MRTFA: variants seen among roughly 807,000 people sequenced by gnomAD.
MRTFA encodes the protein myocardin-related transcription factor A.
A neutral mutation model predicts 83.5 loss-of-function variants in MRTFA; 20 were observed. That is an observed-to-expected ratio of 0.24 (90% CI 0.17 to 0.35). MRTFA has a LOEUF of 0.35. Ranked by LOEUF, MRTFA falls within the 10% of genes least tolerant of loss-of-function variation. MRTFA has a pLI of 1.00. For synonymous variants in MRTFA, 659 were observed against 541.2 expected, an observed-to-expected ratio of 1.22 and a Z score of -3.02; for missense variants, 1,200 against 1,224.7, an observed-to-expected ratio of 0.98 and a Z score of 0.30.
At chr22:40,432,622 G>A (rs1313194479) in intron 5 of MRTFA, among the ~76,000 whole-genome samples, 1 of 151,692 alleles carries the variant, frequency 6.6e-6, no homozygotes, top group East Asian at 1.9e-4. Flanking sequence ...AAGGACACTA[G>A]GCAATGAAGC....
chr22:40,506,412 G>A (rs1272390204), intron 3 of MRTFA, among the ~76,000 whole-genome samples: 2 of 152,150 alleles, frequency 1.3e-5, no homozygotes, highest in East Asian at 1.9e-4. Flanking sequence ...ATAAGATTGT[G>A]CACAGATGCA....
At chr22:40,494,062 C>A (rs961035319) in intron 3 of MRTFA, among the ~76,000 whole-genome samples, 1 of 152,084 alleles carries the variant, frequency 6.6e-6, no homozygotes, top group African/African-American at 2.4e-5. Context: ...AATGAAAGAT[C>A]TTAGATTTCT....
intron 4 of MRTFA, among the ~76,000 whole-genome samples, chr22:40,443,124 C>T (rs1374340214): frequency 6.6e-6 from 1 of 152,072 alleles, no homozygotes; most frequent in African/African-American, 2.4e-5. Context: ...TGGTTACGCA[C>T]ACCTGTAATC....
chr22:40,630,147 T>C (rs778480530), intron 1 of MRTFA, among the ~76,000 whole-genome samples: 1 of 151,630 alleles, frequency 6.6e-6, no homozygotes, highest in Non-Finnish European at 1.5e-5. Context: ...AAACCCTGCC[T>C]CTACTAAAAA....
chr22:40,600,755 G>A (rs944859643), intron 1 of MRTFA, among the ~76,000 whole-genome samples: 10 of 152,098 alleles, frequency 6.6e-5, no homozygotes, highest in South Asian at 2.1e-4. Flanking sequence ...CGAGGCAGGC[G>A]GATCACAAGG....
At chr22:40,474,696 C>T (rs2053964210) in intron 3 of MRTFA, among the ~76,000 whole-genome samples, 1 of 152,176 alleles carries the variant, frequency 6.6e-6, no homozygotes, top group South Asian at 2.1e-4. Context: ...GAAGGCCCCA[C>T]CTTCAGTGAG....
chr22:40,435,348 T>C, intron 5 of MRTFA, 151 bp downstream of exon 5: 1 of 769,102 alleles, frequency 1.3e-6, no homozygotes, highest in Admixed American at 2.3e-5. Flanking sequence ...GAGCTTTCCA[T>C]TTAAAACCAC....
At chr22:40,536,294 C>T (rs1027099061) in intron 3 of MRTFA, among the ~76,000 whole-genome samples, 1 of 152,088 alleles carries the variant, frequency 6.6e-6, no homozygotes, top group Non-Finnish European at 1.5e-5. Context: ...CAGAGCAAGA[C>T]CCTGTCTCAA....
chr22:40,580,927 T>C (rs988978886), intron 2 of MRTFA, among the ~76,000 whole-genome samples: 28 of 152,206 alleles, frequency 1.8e-4, no homozygotes, highest in African/African-American at 6.8e-4. Context: ...TTGTCTTAAC[T>C]GATCATAACA....
intron 3 of MRTFA, among the ~76,000 whole-genome samples, chr22:40,537,012 T>TGG (rs1198766025): frequency 2.2e-3 from 81 of 37,418 alleles, no homozygotes; most frequent in African/African-American, 9.0e-3. Flanking sequence ...GGGAGGGAGG[T>TGG]GGGGGGGGGT....
At chr22:40,457,235 G>A (rs1019023538) in intron 4 of MRTFA, among the ~76,000 whole-genome samples, 15 of 151,812 alleles carry the variant, frequency 9.9e-5, no homozygotes, top group East Asian at 1.9e-4. Context: ...CGTGGTGGCC[G>A]GTCCCTGTAA....
intron 1 of MRTFA, among the ~76,000 whole-genome samples, chr22:40,618,003 A>G (rs963315440): frequency 5.3e-5 from 8 of 152,068 alleles, no homozygotes; most frequent in Non-Finnish European, 8.8e-5. Flanking sequence ...TCAAGTGGTA[A>G]TAAGTCTTCT....
At chr22:40,425,811 A>G (rs1254519056) in intron 7 of MRTFA, among the ~76,000 whole-genome samples, 1 of 152,184 alleles carries the variant, frequency 6.6e-6, no homozygotes, top group Non-Finnish European at 1.5e-5. Context: ...CTTCCCCCAG[A>G]TTAGTCCAAC....
intron 1 of MRTFA, among the ~76,000 whole-genome samples, chr22:40,629,755 G>A (rs4820415): frequency 0.053 from 6,567 of 122,916 alleles, 595 homozygotes; most frequent in Admixed American, 0.3. Flanking sequence ...CAGCCTGGGT[G>A]ACAGAGCAAG....
intron 2 of MRTFA, among the ~76,000 whole-genome samples, chr22:40,585,065 C>A (rs544290100): frequency 1.3e-5 from 2 of 152,076 alleles, no homozygotes; most frequent in African/African-American, 4.8e-5. Context: ...ACAAAAAAGT[C>A]AAGTCTCTCC....
chr22:40,411,962 C>T lies in MRTFA; in HGVS notation c.2579-55G>A, dbSNP rs1028187693. On this transcript the variant is annotated intron_variant, in intron 14 of 14. Transcript: ENST00000355630. ...ATCAGAAGCCAAGCCTGTATATCTA[C>T]ATGCAAAAGAATGAAGGTGGACCCC... 1.7e-5 allele frequency: 23 copies of T among 1,383,200 alleles called. No individual in the cohort carries two copies. In the African/African-American group the frequency reaches 3.3e-4, roughly 20 times the overall value. 85.7% of individuals were successfully genotyped at this position (1,383,200 alleles called of 1,614,324 possible). A position where few individuals can be genotyped will look rare whatever the true frequency, so the allele number is the denominator to read the frequency against.
intron 3 of MRTFA, among the ~76,000 whole-genome samples, chr22:40,479,230 G>A (rs1448722590): frequency 2.0e-5 from 3 of 152,142 alleles, no homozygotes; most frequent in Non-Finnish European, 4.4e-5. Context: ...CACATATACA[G>A]TAAGGAGCAG....
At chr22:40,424,453 G>C in intron 7 of MRTFA, 72 bp from the exon 8 acceptor site, 1 of 1,499,134 alleles carries the variant, frequency 6.7e-7, no homozygotes, top group Non-Finnish European at 9.1e-7. Context: ...GGCCTGGCTC[G>C]CAGGCCACAG....
chr22:40,484,936 T>G (rs1193009647), intron 3 of MRTFA, among the ~76,000 whole-genome samples: 3 of 152,018 alleles, frequency 2.0e-5, no homozygotes, highest in African/African-American at 7.2e-5. Flanking sequence ...CTGGGCATGG[T>G]GGCACGTGCC....
Sources: gnomAD v4.1 joint callset for allele counts (sites outside exome capture counted in the v4.1 genomes callset) on GRCh38, gnomAD v4.1.1 for gene constraint, MANE v1.5 for transcripts, NCBI Gene and HGNC (gene_info 2026-07-23, HGNC 2026-07-21) for gene names.